NEFL: variants seen among roughly 807,000 people sequenced by gnomAD.
The protein encoded by NEFL is neurofilament light polypeptide.
Under a neutral mutation model 51.6 loss-of-function variants are expected in NEFL, and 36 were observed. That is an observed-to-expected ratio of 0.70 (90% CI 0.53 to 0.92). The LOEUF is 0.92. Among genes scored for constraint, NEFL ranks in the 40% least tolerant of loss-of-function variants. NEFL has a pLI of 0.00. For missense variants in NEFL, 671 were observed against 722.0 expected (o/e 0.93, Z 0.81); for synonymous variants, 332 against 302.5 (o/e 1.10, Z -1.01).
rs751128529 is a variant in NEFL at position 24,955,573 on chromosome 8, T to C, written c.943A>G (p.Lys315Glu). The change falls in exon 1 of 4, where the codon AAG (lysine) becomes GAG (glutamate). Residue 315 changes from lysine to glutamate, a missense_variant. Coordinates refer to ENST00000610854, the MANE Select transcript of NEFL (RefSeq NM_006158.5). This position sits in a 1 kb window ranked among gnomAD's most constrained non-coding sequence, Gnocchi z 4.0. ...VSESRRLLKA[K>E]TLEIEACRGM... ...CGGCATGCTTCGATTTCCAGGGTCTTGGCCTTGAGCAGACGACGGCTCTCG... is the reference window on the plus strand; with the variant it reads ...CGGCATGCTTCGATTTCCAGGGTCTCGGCCTTGAGCAGACGACGGCTCTCG... 6.2e-7 allele frequency: 1 copy of C among 1,613,718 alleles called. No individual in the cohort carries two copies. The highest frequency in any genetic ancestry group is 1.7e-5 in the Admixed American group (1 of 60,028).
At chr8:24,953,301 A>T (rs924044458) in intron 3 of NEFL, among the ~76,000 whole-genome samples, 175 bp downstream of exon 3, 4 of 152,214 alleles carry the variant, frequency 2.6e-5, no homozygotes, top group Non-Finnish European at 2.9e-5. Flanking sequence ...TTGACCAATC[A>T]CCTCATTCAG....
chr8:24,955,159 T>C lies in NEFL; in HGVS notation c.1044+313A>G. 1 of 455,092 alleles carries C rather than the reference T, an allele frequency of 2.2e-6. No homozygotes were observed. Among genetic ancestry groups the C allele is most frequent in the South Asian group, 3.5e-5 (1 of 28,214 alleles). The allele number at this position is 455,092 out of a possible 1,614,324, so 28.2% of individuals were successfully genotyped here. On this transcript the variant is annotated intron_variant, in intron 1 of 3. Coordinates refer to ENST00000610854, the MANE Select transcript of NEFL (RefSeq NM_006158.5). This position sits in a 1 kb window ranked among gnomAD's most constrained non-coding sequence, Gnocchi z 4.0. ...GTAACTTGTGGTTAATGCAGGTCAG[T>C]AGAGAGCTGATCTCACTGCAGGCCG... is the stretch of plus-strand genomic sequence containing the variant.
chr8:24,953,472 A>G lies in NEFL; in HGVS notation c.1489+4T>C. The G allele has an allele frequency of 6.4e-7, 1 of 1,558,850 alleles. No homozygotes were observed. The highest frequency in any genetic ancestry group is 1.9e-5 in the Admixed American group (1 of 51,386). On this transcript the variant is annotated splice_donor_region_variant and intron_variant, in intron 3 of 3. Coordinates refer to ENST00000610854, the MANE Select transcript of NEFL (RefSeq NM_006158.5). The stretch of plus-strand genomic sequence containing the variant: ...GAAGTTGCAGGGGTTTTTTCTTATC[A>G]TACCTTCTTCCTCTTCAGCTGCCTC...
At chr8:24,954,447 C>T (rs544561391) in intron 1 of NEFL, 142 bp from the exon 2 acceptor site, 35 of 980,230 alleles carry the variant, frequency 3.6e-5, no homozygotes, top group African/African-American at 5.0e-5. Context: ...AGAATAACTT[C>T]CTGTATCTTT....
Position 24,952,844 on chromosome 8 carries a change from G to C in NEFL, c.1598C>G (p.Ala533Gly), listed in dbSNP as rs780770519. ...AEEEEKKVEG[A>G]GEEQAAKKKD The stretch of plus-strand genomic sequence containing the variant: ...CTTCTTAGCTGCTTGTTCCTCCCCA[G>C]CACCTTCAACTTTCTTCTCCTCCTC... Residue 533 changes from alanine to glycine, a missense_variant, in exon 4 of 4, where the codon GCT (alanine) becomes GGT (glycine). Physicochemically the swap from Ala to Gly is moderately conservative, Grantham distance 60. Coordinates refer to ENST00000610854, the MANE Select transcript of NEFL (RefSeq NM_006158.5). 6.2e-7 allele frequency: 1 copy of C among 1,612,184 alleles called. No homozygotes were observed. Among genetic ancestry groups the C allele is most frequent in the Non-Finnish European group, 8.5e-7 (1 of 1,178,386 alleles).
At position 24,956,601 on chromosome 8, in the gene NEFL, A is replaced by G. The variant is rs1034539600; in HGVS notation, c.-86T>C. ...GGGAGAGAGGGAAGGGGGAGGATGG[A>G]TGGCTGTGTGCGGCTCGGCGCCGTT... On this transcript the variant is annotated 5_prime_UTR_variant, in exon 1 of 4. Transcript: ENST00000610854. The surrounding 1 kb of genome is among the most constrained non-coding windows in gnomAD (Gnocchi z 5.9). The G allele has an allele frequency of 5.4e-6, 7 of 1,298,302 alleles. No individual in the cohort carries two copies. Among genetic ancestry groups the G allele is most frequent in the Non-Finnish European group, 7.6e-6 (7 of 919,262 alleles). 80.4% of individuals were successfully genotyped at this position (1,298,302 alleles called of 1,614,324 possible).
intron 1 of NEFL, 112 bp from the exon 2 acceptor site, chr8:24,954,417 C>A (rs908793975): frequency 3.0e-5 from 37 of 1,216,112 alleles, no homozygotes; most frequent in Non-Finnish European, 4.1e-5. Flanking sequence ...AAGGTGCACA[C>A]CTTTGATAAA....
rs371243766 is a variant in NEFL, at chr8:24,952,972, T to C, written c.1490-20A>G. 4 of 1,596,982 alleles carry C rather than the reference T, an allele frequency of 2.5e-6. No individual in the cohort carries two copies. Among genetic ancestry groups the C allele is most frequent in the Non-Finnish European group, 3.4e-6 (4 of 1,172,452 alleles). On this transcript the variant is annotated intron_variant, in intron 3 of 3. Coordinates refer to ENST00000610854, the MANE Select transcript of NEFL (RefSeq NM_006158.5). ...TGGCAGCTTTAACATAAAAAGAAAA[T>C]GTACAAAATGCAAATCCAGGGTAAG...
In NEFL at chr8:24,952,144, C is replaced by A. The variant is rs1033739592; in HGVS notation, c.*666G>T. On this transcript the variant is annotated 3_prime_UTR_variant, in exon 4 of 4. Transcript: ENST00000610854. ...AAGTCTATTGTTATTTATAGACTTTCTCATTTACTCATGTTTATTATCAGT... is the reference window on the plus strand; with the variant it reads ...AAGTCTATTGTTATTTATAGACTTTATCATTTACTCATGTTTATTATCAGT... 2.0e-5 allele frequency: 3 copies of A among 152,558 alleles called. No homozygotes were observed. The highest frequency in any genetic ancestry group is 7.2e-5 in the African/African-American group (3 of 41,414). The allele number at this position is 152,558 out of a possible 1,614,324, so 9.5% of individuals were successfully genotyped here. A position where few individuals can be genotyped will look rare whatever the true frequency, so the allele number is the denominator to read the frequency against.
chr8:24,954,036 C>A, intron 2 of NEFL, 145 bp downstream of exon 2: 2 of 1,286,290 alleles, frequency 1.6e-6, no homozygotes, highest in Admixed American at 2.2e-5. Context: ...ATCTAAATAC[C>A]CTCTTCTTGG....
At position 24,956,037 on chromosome 8, in the gene NEFL, A is replaced by T; in HGVS notation, c.479T>A (p.Leu160His). The T allele has an allele frequency of 1.2e-6, 2 of 1,604,022 alleles. No homozygotes were observed. Among genetic ancestry groups the T allele is most frequent in the Non-Finnish European group, 1.7e-6 (2 of 1,178,746 alleles). Residue 160 changes from leucine to histidine, a missense_variant, in exon 1 of 4, where the codon CTC becomes CAC. Physicochemically the swap from Leu to His is moderately conservative, Grantham distance 99 (BLOSUM62 -3). Transcript: ENST00000610854. This position sits in a 1 kb window ranked among gnomAD's most constrained non-coding sequence, Gnocchi z 5.9. ...CTCCAGCCCTTCGCGCTCGCCCTGG[A>T]GCGCCTGCTTCTCGTTGGTGGCATC... The part of the protein sequence containing the change: ...AEDATNEKQA[L>H]QGEREGLEET...
At position 24,956,530 on chromosome 8, in the gene NEFL, G is replaced by A; in HGVS notation, c.-15C>T. ...AAGGAACTCATGGTGGCGGCCGGTG[G>A]CTCCCCGGCCCGCGGCGGCGGTGGG... On this transcript the variant is annotated 5_prime_UTR_variant, in exon 1 of 4. Coordinates refer to ENST00000610854, the MANE Select transcript of NEFL (RefSeq NM_006158.5). The surrounding 1 kb of genome is among the most constrained non-coding windows in gnomAD (Gnocchi z 5.9). The A allele has an allele frequency of 6.3e-7, 1 of 1,577,626 alleles. No homozygotes were observed. Among genetic ancestry groups the A allele is most frequent in the Non-Finnish European group, 8.6e-7 (1 of 1,163,574 alleles).
Position 24,956,523 on chromosome 8 carries a change from G to A in NEFL, c.-8C>T. 1.3e-6 allele frequency: 2 copies of A among 1,583,916 alleles called. No individual in the cohort carries two copies. Among genetic ancestry groups the A allele is most frequent in the South Asian group, 1.2e-5 (1 of 86,882 alleles). ...GTAGCTGAAGGAACTCATGGTGGCG[G>A]CCGGTGGCTCCCCGGCCCGCGGCGG... is the stretch of plus-strand genomic sequence containing the variant. On this transcript the variant is annotated 5_prime_UTR_variant, in exon 1 of 4. Coordinates refer to ENST00000610854, the MANE Select transcript of NEFL (RefSeq NM_006158.5). This position sits in a 1 kb window ranked among gnomAD's most constrained non-coding sequence, Gnocchi z 5.9.
Position 24,955,438 on chromosome 8 carries a change from C to A in NEFL, c.1044+34G>T. The A allele has an allele frequency of 2.5e-6, 2 of 808,922 alleles. No individual in the cohort carries two copies. Among genetic ancestry groups the A allele is most frequent in the South Asian group, 1.5e-5 (1 of 64,928 alleles). The allele number at this position is 808,922 out of a possible 1,614,324, so 50.1% of individuals were successfully genotyped here. On this transcript the variant is annotated intron_variant, in intron 1 of 3. Coordinates refer to ENST00000610854, the MANE Select transcript of NEFL (RefSeq NM_006158.5). The surrounding 1 kb of genome is among the most constrained non-coding windows in gnomAD (Gnocchi z 4.0). ...CACCAACTCCCCCCCTTGCTCGAGT[C>A]CCCCGCCCCCCTGTGTTTCTGGCCG...
Position 24,953,673 on chromosome 8 carries a change from G to A in NEFL, c.1292C>T (p.Ser431Phe), listed in dbSNP as rs559215942. The stretch of plus-strand genomic sequence containing the variant: ...GAAGGAGCGGGTGGACATCAGATAG[G>A]AGCTGGTCTGTAAACCGCCGTAGGC... ...RSAYGGLQTS[S>F]YLMSTRSFPS... The change falls in exon 3 of 4, where the codon TCC becomes TTC. Residue 431 changes from serine (S) to phenylalanine (F), a missense_variant. Physicochemically the swap from Ser to Phe is radical, Grantham distance 155. Transcript: ENST00000610854. The A allele has an allele frequency of 6.2e-7, 1 of 1,614,000 alleles. No individual in the cohort carries two copies. The highest frequency in any genetic ancestry group is 1.3e-5 in the African/African-American group (1 of 75,042).
chr8:24,956,488 A>G lies in NEFL; in HGVS notation c.28T>C (p.Tyr10His). MSSFSYEPY[Y>H]STSYKRRYVE... is the part of the protein sequence containing the mutation. ...TAGCGCCGCTTGTAGGAGGTCGAGTAGTACGGCTCGTAGCTGAAGGAACTC... is the reference window on the plus strand; with the variant it reads ...TAGCGCCGCTTGTAGGAGGTCGAGTGGTACGGCTCGTAGCTGAAGGAACTC... The change falls in exon 1 of 4, where the codon TAC becomes CAC. Residue 10 changes from tyrosine (Y) to histidine (H), a missense_variant. By Grantham distance (83) the Tyr-to-His change is moderately conservative. Coordinates refer to ENST00000610854, the MANE Select transcript of NEFL (RefSeq NM_006158.5). The surrounding 1 kb of genome is among the most constrained non-coding windows in gnomAD (Gnocchi z 5.9). The G allele has an allele frequency of 1.2e-6, 2 of 1,601,576 alleles. No homozygotes were observed. The highest frequency in any genetic ancestry group is 1.3e-5 in the African/African-American group (1 of 74,846).
At position 24,951,240 on chromosome 8, in the gene NEFL, T is replaced by C. The variant is rs1802963437; in HGVS notation, c.*1570A>G. 6.6e-6 allele frequency: 1 copy of C among 152,242 alleles called. No homozygotes were observed. The highest frequency in any genetic ancestry group is 1.5e-5 in the Non-Finnish European group (1 of 68,030). 9.4% of individuals were successfully genotyped at this position (152,242 alleles called of 1,614,324 possible). A position where few individuals can be genotyped will look rare whatever the true frequency, so the allele number is the denominator to read the frequency against. On this transcript the variant is annotated 3_prime_UTR_variant, in exon 4 of 4. Coordinates refer to ENST00000610854, the MANE Select transcript of NEFL (RefSeq NM_006158.5). ...TTACCATCATGGCAAGGAAGCACTT[T>C]ACCTATTTGCATAGCAACATATATT...
chr8:24,954,370 G>A, intron 1 of NEFL, 65 bp from the exon 2 acceptor site: 5 of 1,577,168 alleles, frequency 3.2e-6, no homozygotes, highest in East Asian at 2.2e-5. Context: ...TTATTTTACT[G>A]TAGTGTAGTT....
In NEFL at chr8:24,956,154, T is replaced by C; in HGVS notation, c.362A>G (p.Glu121Gly). The stretch of plus-strand genomic sequence containing the variant: ...GTGCTTCTGGCGCAGCACCAGCAGC[T>C]CGGCTTCCAGGACCTTGTTCTGCTG... ...LEQQNKVLEA[E>G]LLVLRQKHSE... The change falls in exon 1 of 4, where the codon GAG (glutamate) becomes GGG (glycine). Residue 121 changes from glutamate (E) to glycine (G), a missense_variant. Transcript: ENST00000610854. This position sits in a 1 kb window ranked among gnomAD's most constrained non-coding sequence, Gnocchi z 5.9. 6.2e-7 allele frequency: 1 copy of C among 1,609,932 alleles called. No homozygotes were observed. Among genetic ancestry groups the C allele is most frequent in the Non-Finnish European group, 8.5e-7 (1 of 1,178,772 alleles).
Sources: gnomAD v4.1 joint callset for allele counts (sites outside exome capture counted in the v4.1 genomes callset) on GRCh38, gnomAD v4.1.1 for gene constraint, Gnocchi (gnomAD v3.1) non-coding constraint, MANE v1.5 for transcripts, NCBI Gene and HGNC (gene_info 2026-07-23, HGNC 2026-07-21) for gene names.